The following TSHZ2 variants were observed in gnomAD, a reference collection of about 807,000 sequenced individuals.
The protein encoded by TSHZ2 is teashirt homolog 2.
In TSHZ2, 21 loss-of-function variants were observed where a neutral mutation model predicts 74.4. The ratio of observed to expected loss-of-function variants is 0.28; its 90% CI spans 0.20 to 0.41. TSHZ2 has a LOEUF of 0.41. Among genes scored for constraint, TSHZ2 ranks in the 10% least tolerant of loss-of-function variants. The pLI is 1.00. For synonymous variants in TSHZ2, 540 were observed against 515.3 expected, an observed-to-expected ratio of 1.05 and a Z score of -0.65; for missense variants, 1,244 against 1,293.5, an observed-to-expected ratio of 0.96 and a Z score of 0.59.
At chr20:52,994,041 A>T (rs1367587655) in intron 1 of TSHZ2, among the ~76,000 whole-genome samples, 1 of 152,218 alleles carries the variant, frequency 6.6e-6, no homozygotes, top group Admixed American at 6.5e-5. Flanking sequence ...GGAAGAAGGG[A>T]TGGATAGATC....
intron 1 of TSHZ2, among the ~76,000 whole-genome samples, chr20:53,166,187 A>G (rs773109085): frequency 1.3e-5 from 2 of 152,154 alleles, no homozygotes; most frequent in Non-Finnish European, 2.9e-5. Flanking sequence ...TTATTAAAAG[A>G]TTTCTCAGGA....
chr20:53,232,260 T>C (rs114253929), intron 1 of TSHZ2, among the ~76,000 whole-genome samples: 27 of 152,304 alleles, frequency 1.8e-4, no homozygotes, highest in African/African-American at 6.0e-4. Flanking sequence ...AAACAGAGCA[T>C]TGGAATTCTC....
At chr20:53,323,196 C>A (rs905569508) in intron 2 of TSHZ2, among the ~76,000 whole-genome samples, 1 of 152,164 alleles carries the variant, frequency 6.6e-6, no homozygotes. Context: ...GGACCCCAAG[C>A]CACTCCTTGG....
At chr20:53,119,933 T>A (rs944646184) in intron 1 of TSHZ2, among the ~76,000 whole-genome samples, 62 of 152,358 alleles carry the variant, frequency 4.1e-4, no homozygotes, top group African/African-American at 1.0e-3. Flanking sequence ...CAAGAGTCTC[T>A]AAATCTAATA....
At chr20:53,405,326 G>A (rs1329983083) in intron 2 of TSHZ2, among the ~76,000 whole-genome samples, 1 of 152,066 alleles carries the variant, frequency 6.6e-6, no homozygotes. Context: ...GAACTGGGAA[G>A]TAATCTTACA....
intron 1 of TSHZ2, among the ~76,000 whole-genome samples, chr20:53,236,842 C>T (rs1410388513): frequency 6.6e-6 from 1 of 152,082 alleles, no homozygotes; most frequent in Non-Finnish European, 1.5e-5. Flanking sequence ...GGGAAAAGCC[C>T]CTTATAAAAC....
intron 2 of TSHZ2, among the ~76,000 whole-genome samples, chr20:53,308,485 G>A (rs1978643003): frequency 6.6e-6 from 1 of 152,098 alleles, no homozygotes. Flanking sequence ...ATAAGCAAAG[G>A]ACTCAGGAAA....
chr20:53,153,630 C>T (rs1987725413), intron 1 of TSHZ2, among the ~76,000 whole-genome samples: 2 of 152,156 alleles, frequency 1.3e-5, no homozygotes, highest in African/African-American at 4.8e-5. Flanking sequence ...GAGGTCCCAC[C>T]ACTGGACTAA....
chr20:53,458,409 C>T (rs1488396829), intron 2 of TSHZ2, among the ~76,000 whole-genome samples: 1 of 152,024 alleles, frequency 6.6e-6, no homozygotes, highest in Non-Finnish European at 1.5e-5. Flanking sequence ...GGTGATATCC[C>T]CTTTGTCATT....
intron 1 of TSHZ2, among the ~76,000 whole-genome samples, chr20:53,186,615 C>T (rs73148607): frequency 3.9e-3 from 597 of 152,260 alleles, no homozygotes; most frequent in Non-Finnish European, 5.3e-3. Context: ...CATGTCAAAC[C>T]GAGGTACCCC....
chr20:52,992,437 A>G (rs1982028316), intron 1 of TSHZ2, among the ~76,000 whole-genome samples: 1 of 152,192 alleles, frequency 6.6e-6, no homozygotes, highest in Non-Finnish European at 1.5e-5. Context: ...CAGGCTAGCA[A>G]TCGTAAGAAA....
chr20:52,972,971 A>C lies in TSHZ2; in HGVS notation c.-323A>C. The C allele has an allele frequency of 2.8e-6, 1 of 357,222 alleles. No individual in the cohort carries two copies. Among genetic ancestry groups the C allele is most frequent in the Non-Finnish European group, 5.0e-6 (1 of 200,918 alleles). 22.1% of individuals were successfully genotyped at this position (357,222 alleles called of 1,614,324 possible). A position where few individuals can be genotyped will look rare whatever the true frequency, so the allele number is the denominator to read the frequency against. The stretch of plus-strand genomic sequence containing the variant: ...CAAAAAAAAAAAAAACCGCAAAAAC[A>C]AAACCAAAAAAATTCCAAAAGCAAA... On this transcript the variant is annotated 5_prime_UTR_variant, in exon 1 of 3. Transcript: ENST00000371497.
At chr20:53,025,608 T>C (rs1319569741) in intron 1 of TSHZ2, among the ~76,000 whole-genome samples, 3 of 152,192 alleles carry the variant, frequency 2.0e-5, no homozygotes, top group Admixed American at 6.5e-5. Flanking sequence ...GATGACACCT[T>C]CACATCTAGA....
chr20:53,172,281 A>G (rs1225466486), intron 1 of TSHZ2, among the ~76,000 whole-genome samples: 1 of 152,244 alleles, frequency 6.6e-6, no homozygotes, highest in African/African-American at 2.4e-5. Flanking sequence ...TGATCAATTA[A>G]TAAAAAGGCT....
intron 1 of TSHZ2, among the ~76,000 whole-genome samples, chr20:53,098,475 T>C (rs1005770883): frequency 6.6e-6 from 1 of 152,250 alleles, no homozygotes; most frequent in African/African-American, 2.4e-5. Context: ...CTTTGTGTAC[T>C]GTCCTAGCAA....
chr20:53,079,095 A>G (rs926939132), intron 1 of TSHZ2, among the ~76,000 whole-genome samples: 9 of 152,202 alleles, frequency 5.9e-5, no homozygotes, highest in African/African-American at 2.2e-4. Flanking sequence ...GCTTTTGGAG[A>G]GCGTGGAAGA....
intron 2 of TSHZ2, among the ~76,000 whole-genome samples, chr20:53,320,500 C>A (rs963976245): frequency 1.3e-5 from 2 of 152,122 alleles, no homozygotes; most frequent in Non-Finnish European, 2.9e-5. Flanking sequence ...AGATGAAAAT[C>A]AGTCATATTT....
chr20:53,202,508 G>T (rs144917274), intron 1 of TSHZ2, among the ~76,000 whole-genome samples: 7 of 152,076 alleles, frequency 4.6e-5, no homozygotes, highest in Admixed American at 3.3e-4. Context: ...CTTACTGCTT[G>T]TTGACCACTG....
chr20:53,321,683 C>CAAAAAAAAAAAAAAAAAAA (rs59907513), intron 2 of TSHZ2, among the ~76,000 whole-genome samples: 11 of 58,288 alleles, frequency 1.9e-4, no homozygotes, highest in Non-Finnish European at 2.3e-4. Flanking sequence ...GACTCCATCT[C>CAAAAAAAAAAAAAAAAAAA]AAAAAAAAAA....
Sources: gnomAD v4.1 joint callset for allele counts (sites outside exome capture counted in the v4.1 genomes callset) on GRCh38, gnomAD v4.1.1 for gene constraint, MANE v1.5 for transcripts, NCBI Gene and HGNC (gene_info 2026-07-23, HGNC 2026-07-21) for gene names.